The following KLF8 variants were observed in gnomAD, a reference collection of about 807,000 sequenced individuals.
The protein encoded by KLF8 is Krueppel-like factor 8.
In KLF8, 10 loss-of-function variants were observed where a neutral mutation model predicts 18.2. That is an observed-to-expected ratio of 0.55 (90% CI 0.34 to 0.93). The LOEUF (loss-of-function observed/expected upper bound fraction) is 0.93. Ranked by LOEUF, KLF8 falls within the 40% of genes least tolerant of loss-of-function variation. KLF8 has a pLI of 0.02. For synonymous variants in KLF8, 109 were observed against 97.3 expected, an observed-to-expected ratio of 1.12 and a Z score of -0.71; for missense variants, 264 against 277.9, an observed-to-expected ratio of 0.95 and a Z score of 0.36.
chrX:55,945,577 A>C, the KLF8 span, among the ~76,000 whole-genome samples: 2 of 111,262 alleles, frequency 1.8e-5, no homozygotes, highest in African/African-American at 6.5e-5. Flanking sequence ...GAAAACTGGC[A>C]CAAGACAGGG....
chrX:56,119,342 C>T, the KLF8 span, among the ~76,000 whole-genome samples: 1 of 111,181 alleles, frequency 9.0e-6, no homozygotes, highest in South Asian at 3.8e-4. Context: ...GCTGAGGAGG[C>T]ATCCCAGGGG....
the KLF8 span, among the ~76,000 whole-genome samples, chrX:56,129,227 T>C: frequency 2.9e-4 from 33 of 112,399 alleles, no homozygotes; most frequent in Non-Finnish European, 5.8e-4. Flanking sequence ...ACTCACATCA[T>C]GAACTTTCAC....
intron 1 of KLF8, among the ~76,000 whole-genome samples, chrX:56,237,066 A>C (rs988154910): frequency 1.9e-5 from 2 of 106,615 alleles, no homozygotes; most frequent in Non-Finnish European, 3.8e-5. Flanking sequence ...ACTGGTTATC[A>C]ATCAACTTTT....
the KLF8 span, among the ~76,000 whole-genome samples, chrX:55,944,853 T>C: frequency 9.0e-6 from 1 of 111,496 alleles, no homozygotes; most frequent in Non-Finnish European, 1.9e-5. Flanking sequence ...TGATCTTAGT[T>C]ATTTCTTGCC....
the KLF8 span, among the ~76,000 whole-genome samples, chrX:56,180,440 GT>G: frequency 3.6e-5 from 4 of 110,058 alleles, no homozygotes; most frequent in East Asian, 8.6e-4. Flanking sequence ...TTTTTTCAGC[GT>G]TTTTTTGTGT....
the KLF8 span, among the ~76,000 whole-genome samples, chrX:55,948,415 C>T: frequency 8.9e-6 from 1 of 111,836 alleles, no homozygotes; most frequent in African/African-American, 3.3e-5. Flanking sequence ...TTATAGTTTG[C>T]CCACTCCTGT....
the KLF8 span, among the ~76,000 whole-genome samples, chrX:56,121,748 G>A: frequency 1.8e-5 from 2 of 112,154 alleles, no homozygotes; most frequent in Middle Eastern, 9.2e-3. Flanking sequence ...TAAGTTTGAT[G>A]TGACTTATCA....
At chrX:56,106,032 G>T in the KLF8 span, among the ~76,000 whole-genome samples, 66 of 111,768 alleles carry the variant, frequency 5.9e-4, no homozygotes, top group African/African-American at 2.1e-3. Context: ...CTTTAAGAAT[G>T]TTGAATATTG....
the KLF8 span, among the ~76,000 whole-genome samples, chrX:55,987,598 CATT>C: frequency 8.9e-6 from 1 of 112,154 alleles, no homozygotes; most frequent in Admixed American, 9.4e-5. Context: ...TCCAGTCTAT[CATT>C]GTTGGACATT....
chrX:56,150,620 G>T, the KLF8 span, among the ~76,000 whole-genome samples: 1 of 110,685 alleles, frequency 9.0e-6, no homozygotes, highest in East Asian at 2.9e-4. Flanking sequence ...GGATGCTCTT[G>T]GCCTGTAGTT....
At chrX:56,102,254 G>T in the KLF8 span, among the ~76,000 whole-genome samples, 2 of 111,042 alleles carry the variant, frequency 1.8e-5, no homozygotes, top group Non-Finnish European at 3.8e-5. Flanking sequence ...GAAGATAGAT[G>T]GTTGTAGGCA....
At chrX:56,153,166 T>C in the KLF8 span, among the ~76,000 whole-genome samples, 1 of 111,272 alleles carries the variant, frequency 9.0e-6, no homozygotes, top group Non-Finnish European at 1.9e-5. Flanking sequence ...CATATTTTTA[T>C]GAAAAATATT....
chrX:56,224,628 A>T, the KLF8 span, among the ~76,000 whole-genome samples: 10 of 112,097 alleles, frequency 8.9e-5, no homozygotes, highest in Admixed American at 9.5e-4. Flanking sequence ...TGTAAATGAT[A>T]GTGTAACTAT....
chrX:55,930,883 A>T, the KLF8 span, among the ~76,000 whole-genome samples: 4 of 111,797 alleles, frequency 3.6e-5, no homozygotes, highest in African/African-American at 1.3e-4. Flanking sequence ...TGGTATCAGG[A>T]TGATGCTGGC....
chrX:56,110,223 T>G, the KLF8 span, among the ~76,000 whole-genome samples: 8 of 112,107 alleles, frequency 7.1e-5, no homozygotes, highest in Admixed American at 7.6e-4. Context: ...TTTGCTATTG[T>G]GAGTAGTGCC....
chrX:56,172,691 A>C, the KLF8 span, among the ~76,000 whole-genome samples: 2 of 112,134 alleles, frequency 1.8e-5, no homozygotes, highest in Non-Finnish European at 3.8e-5. Flanking sequence ...ACTGACTTCC[A>C]CAATGGTAGA....
At chrX:56,049,017 T>G in the KLF8 span, among the ~76,000 whole-genome samples, 2 of 111,204 alleles carry the variant, frequency 1.8e-5, no homozygotes, top group Non-Finnish European at 1.9e-5. Context: ...GGTATTTTAT[T>G]CTTTGAAGCA....
chrX:56,282,474 A>G (rs1410497722), intron 5 of KLF8, among the ~76,000 whole-genome samples: 1 of 112,296 alleles, frequency 8.9e-6, no homozygotes, highest in South Asian at 3.7e-4. Context: ...TTGCCTTGAT[A>G]TAGTCCAAAG....
the KLF8 span, among the ~76,000 whole-genome samples, chrX:55,954,314 G>GA: frequency 5.4e-5 from 6 of 111,553 alleles, no homozygotes; most frequent in African/African-American, 1.9e-4. Flanking sequence ...GGGTCTCTGT[G>GA]AGAAATCCCA....
Sources: gnomAD v4.1 joint callset for allele counts (sites outside exome capture counted in the v4.1 genomes callset) on GRCh38, gnomAD v4.1.1 for gene constraint, MANE v1.5 for transcripts, NCBI Gene and HGNC (gene_info 2026-07-23, HGNC 2026-07-21) for gene names.